Variants in CDK15 observed in about 807,000 individuals in gnomAD.
The protein encoded by CDK15 is cyclin-dependent kinase 15.
A neutral mutation model predicts 60.3 loss-of-function variants in CDK15; 62 were observed. The ratio of observed to expected loss-of-function variants is 1.03; its 90% CI spans 0.84 to 1.27. The LOEUF is 1.27. Ranked by LOEUF, CDK15 falls within the 50% of genes most tolerant of loss-of-function variation. The pLI, the probability that CDK15 is intolerant of heterozygous loss-of-function variation, is 0.00. For missense variants in CDK15, 541 were observed against 527.8 expected, an observed-to-expected ratio of 1.03 and a Z score of -0.25; for synonymous variants, 194 against 195.7, an observed-to-expected ratio of 0.99 and a Z score of 0.07.
At chr2:201,849,769 A>G (rs1697824340) in intron 9 of CDK15, among the ~76,000 whole-genome samples, 1 of 152,136 alleles carries the variant, frequency 6.6e-6, no homozygotes, top group African/African-American at 2.4e-5. Flanking sequence ...AAAAGAATAT[A>G]AGTATATCCT....
chr2:201,807,982 A>C, intron 3 of CDK15, 30 bp downstream of exon 3: 1 of 1,567,430 alleles, frequency 6.4e-7, no homozygotes, highest in Non-Finnish European at 8.7e-7. Flanking sequence ...GAGAGACTTT[A>C]GAGATGAGAG....
chr2:201,866,332 A>G (rs1698632733), intron 10 of CDK15, among the ~76,000 whole-genome samples: 1 of 152,148 alleles, frequency 6.6e-6, no homozygotes, highest in Admixed American at 6.6e-5. Context: ...TACTAAATCA[A>G]TCAACAAATC....
chr2:201,814,948 C>T (rs1695924798), intron 4 of CDK15, among the ~76,000 whole-genome samples: 1 of 91,152 alleles, frequency 1.1e-5, no homozygotes, highest in Admixed American at 1.8e-4. Flanking sequence ...CACTAAGGAA[C>T]ATTTTTTTTT....
intron 10 of CDK15, among the ~76,000 whole-genome samples, chr2:201,855,165 A>G (rs1040383352): frequency 6.6e-5 from 10 of 152,348 alleles, no homozygotes; most frequent in African/African-American, 2.2e-4. Context: ...AGCAAGCTGA[A>G]TAGAATTTGA....
At chr2:201,806,532 C>T (rs946915692), upstream of CDK15, 6 of 1,051,410 alleles carry the variant, frequency 5.7e-6, no homozygotes, top group Non-Finnish European at 6.4e-6. Flanking sequence ...GAGGCTGCTC[C>T]AGGCAGAGCC....
At chr2:201,862,238 C>T (rs907829741) in intron 10 of CDK15, among the ~76,000 whole-genome samples, 3 of 152,224 alleles carry the variant, frequency 2.0e-5, no homozygotes, top group African/African-American at 7.2e-5. Flanking sequence ...CTACATGCTA[C>T]ATAATGGGTA....
rs186307634 is a variant in CDK15 at position 201,864,506 on chromosome 2, C to T, written c.1010-7772C>T. On this transcript the variant is annotated intron_variant, in intron 10 of 13. Coordinates refer to ENST00000652192, the MANE Select transcript of CDK15 (RefSeq NM_001366386.2). ...TTAATTTTTGTATTTTTAGTAGAGA[C>T]GGGGGTTTCACCATGTTGGTCAGGC... Among the ~76,000 whole-genome samples, 430 of 152,078 alleles carry T rather than the reference C, an allele frequency of 2.8e-3. 1 individual carries two copies. The highest frequency in any genetic ancestry group is 9.1e-3 in the African/African-American group (379 of 41,476).
intron 8 of CDK15, among the ~76,000 whole-genome samples, chr2:201,840,642 G>C (rs990420594): frequency 6.6e-6 from 1 of 152,178 alleles, no homozygotes; most frequent in Non-Finnish European, 1.5e-5. Context: ...ATTATTGAAA[G>C]GTGGTTTTGT....
intron 1 of CDK15, among the ~76,000 whole-genome samples, chr2:201,807,215 T>G (rs1229659918): frequency 6.6e-6 from 1 of 151,894 alleles, no homozygotes; most frequent in African/African-American, 2.4e-5. Context: ...AAAGCCAGAC[T>G]TAAACAGAAA....
chr2:201,806,825 A>G (rs773904640), intron 1 of CDK15, 38 bp downstream of exon 1: 3 of 1,594,590 alleles, frequency 1.9e-6, no homozygotes, highest in Non-Finnish European at 2.5e-6. Flanking sequence ...TTCTCTATTG[A>G]TAAACCAAGG....
At chr2:201,844,489 G>C (rs1023927518) in intron 8 of CDK15, among the ~76,000 whole-genome samples, 3 of 152,030 alleles carry the variant, frequency 2.0e-5, no homozygotes, top group Admixed American at 1.3e-4. Flanking sequence ...TTAAAGACAG[G>C]AGACAAAAAG....
intron 6 of CDK15, among the ~76,000 whole-genome samples, chr2:201,823,942 G>A (rs1300673417): frequency 1.3e-5 from 2 of 152,090 alleles, no homozygotes; most frequent in South Asian, 2.1e-4. Flanking sequence ...CTTAAGATAT[G>A]GAGCAATGTT....
In CDK15 at chr2:201,835,656, C is replaced by T. The variant is rs140541356; in HGVS notation, c.744C>T (p.Ala248=). The T allele has an allele frequency of 8.7e-6, 14 of 1,607,914 alleles. No homozygotes were observed. The East Asian group carries it at 1.1e-4, about 13-fold the overall frequency. Residue 248 remains alanine, a synonymous_variant, in exon 8 of 14, where the codon GCC becomes GCT. Transcript: ENST00000652192. ...CCTTTTGGACAGGTCTTGCCCGGGC[C>T]AAGTCCATTCCCAGCCAGACATACT... ...LKLADFGLAR[A]KSIPSQTYSS...
intron 8 of CDK15, among the ~76,000 whole-genome samples, chr2:201,844,326 A>C (rs1364843397): frequency 6.6e-6 from 1 of 152,186 alleles, no homozygotes; most frequent in Non-Finnish European, 1.5e-5. Flanking sequence ...GGTGGAGACC[A>C]TTTGGTGGTG....
intron 11 of CDK15, among the ~76,000 whole-genome samples, chr2:201,875,886 A>T (rs1192624698): frequency 6.6e-6 from 1 of 152,196 alleles, no homozygotes; most frequent in Non-Finnish European, 1.5e-5. Context: ...CTCTACAAAT[A>T]AGTATGAATT....
At chr2:201,830,700 T>C (rs1023782126) in intron 6 of CDK15, among the ~76,000 whole-genome samples, 9 of 152,156 alleles carry the variant, frequency 5.9e-5, no homozygotes, top group Non-Finnish European at 1.2e-4. Flanking sequence ...CAGAGAGGGA[T>C]TGAGAGTTCA....
At chr2:201,885,383 A>G (rs572645125) in intron 12 of CDK15, among the ~76,000 whole-genome samples, 1 of 152,288 alleles carries the variant, frequency 6.6e-6, no homozygotes, top group East Asian at 1.9e-4. Context: ...GAAGATTCTC[A>G]GCCATCCTCT....
At chr2:201,840,964 T>C (rs1559129513) in intron 8 of CDK15, among the ~76,000 whole-genome samples, 1 of 152,348 alleles carries the variant, frequency 6.6e-6, no homozygotes, top group East Asian at 1.9e-4. Context: ...GACTCTATTC[T>C]ATTCTCTCTC....
intron 8 of CDK15, among the ~76,000 whole-genome samples, chr2:201,841,118 C>T (rs1047458062): frequency 6.6e-6 from 1 of 152,164 alleles, no homozygotes. Flanking sequence ...TTAAGTCTCT[C>T]TTAAACTATG....
Sources: allele counts gnomAD v4.1 joint callset (sites outside exome capture counted in the v4.1 genomes callset), GRCh38; gene constraint gnomAD v4.1.1; transcripts MANE v1.5; gene names NCBI Gene and HGNC (gene_info 2026-07-23, HGNC 2026-07-21).